The following FMN1 variants were observed in gnomAD, a reference collection of about 807,000 sequenced individuals.
FMN1 encodes the protein formin 1, also known as formin-1.
Under a neutral mutation model 132.4 loss-of-function variants are expected in FMN1, and 110 were observed. The ratio of observed to expected loss-of-function variants is 0.83; its 90% CI spans 0.71 to 0.97. The LOEUF (loss-of-function observed/expected upper bound fraction) is 0.97. FMN1 is among the 50% of genes least tolerant of loss of function. The probability of loss-of-function intolerance (pLI) is 0.00; values close to 1 mark genes in which losing one functional copy is unlikely to be tolerated. For synonymous variants in FMN1, 722 were observed against 651.7 expected, an observed-to-expected ratio of 1.11 and a Z score of -1.64; for missense variants, 1,792 against 1,705.3, an observed-to-expected ratio of 1.05 and a Z score of -0.90.
intron 17 of FMN1, among the ~76,000 whole-genome samples, chr15:32,846,948 T>C (rs2058870905): frequency 6.6e-6 from 1 of 152,158 alleles, no homozygotes; most frequent in South Asian, 2.1e-4. Context: ...AAAGGGTGAA[T>C]TCACAAGGGG....
At chr15:32,882,263 A>G (rs1014951622) in intron 16 of FMN1, among the ~76,000 whole-genome samples, 2 of 152,236 alleles carry the variant, frequency 1.3e-5, no homozygotes, top group Non-Finnish European at 2.9e-5. Context: ...GTAAAGGAAC[A>G]AAGTACGGCA....
intron 17 of FMN1, among the ~76,000 whole-genome samples, chr15:32,842,918 G>A (rs919201411): frequency 2.0e-5 from 3 of 151,950 alleles, no homozygotes; most frequent in African/African-American, 7.3e-5. Context: ...CTGAGGTCGG[G>A]AGATCGGGGC....
At chr15:32,940,391 TTGTGTGTGTGTGTGTG>T (rs67121672) in intron 9 of FMN1, among the ~76,000 whole-genome samples, 14,154 of 145,382 alleles carry the variant, frequency 0.097, 728 homozygotes, top group African/African-American at 0.14. Context: ...AAAATAAAAA[TTGTGTGTGTGTGTGTG>T]TGTGTGTGTG....
chr15:33,120,958 A>G (rs1183381145), intron 4 of FMN1, among the ~76,000 whole-genome samples: 1 of 152,184 alleles, frequency 6.6e-6, no homozygotes, highest in African/African-American at 2.4e-5. Flanking sequence ...GATGCAAAGT[A>G]AATTCACCTC....
rs766010924 is a variant in FMN1, at chr15:32,767,861, G to C, written c.*6449C>G. 1 of 152,142 alleles carries C rather than the reference G, an allele frequency of 6.6e-6. No individual in the cohort carries two copies. The highest frequency in any genetic ancestry group is 1.5e-5 in the Non-Finnish European group (1 of 68,030). 9.4% of individuals were successfully genotyped at this position (152,142 alleles called of 1,614,324 possible). A position where few individuals can be genotyped will look rare whatever the true frequency, so the allele number is the denominator to read the frequency against. ...GACTTTCCCTCTCACTCATGGATTT[G>C]TTTTCAATGGAAATGGAAGCCTTCC... is the stretch of plus-strand genomic sequence containing the variant. On this transcript the variant is annotated 3_prime_UTR_variant, in exon 21 of 21. Transcript: ENST00000616417.
At chr15:32,954,484 T>C (rs1277581162) in intron 9 of FMN1, among the ~76,000 whole-genome samples, 3 of 152,210 alleles carry the variant, frequency 2.0e-5, no homozygotes, top group African/African-American at 7.2e-5. Flanking sequence ...TAATTAAAGT[T>C]TATCTTTTGA....
chr15:32,976,270 G>C (rs2032194121), intron 7 of FMN1, among the ~76,000 whole-genome samples: 1 of 152,114 alleles, frequency 6.6e-6, no homozygotes, highest in South Asian at 2.1e-4. Context: ...CCTCTGAAAA[G>C]TGCAGCGTGA....
At chr15:32,879,329 T>G (rs75599930) in intron 16 of FMN1, among the ~76,000 whole-genome samples, 2,724 of 152,332 alleles carry the variant, frequency 0.018, 85 homozygotes, top group African/African-American at 0.062. Context: ...GTATCCAGTC[T>G]CGTACCAGAG....
intron 17 of FMN1, among the ~76,000 whole-genome samples, chr15:32,807,759 C>T (rs930866732): frequency 2.0e-5 from 3 of 152,130 alleles, no homozygotes; most frequent in Non-Finnish European, 4.4e-5. Flanking sequence ...TATTAAGAGC[C>T]AATGCACACT....
intron 7 of FMN1, among the ~76,000 whole-genome samples, chr15:32,989,012 A>G (rs752116411): frequency 6.6e-6 from 1 of 152,188 alleles, no homozygotes; most frequent in Non-Finnish European, 1.5e-5. Flanking sequence ...AGAAAGTCAT[A>G]AACTGTCAAA....
chr15:32,822,671 G>C (rs1263942374), intron 17 of FMN1, among the ~76,000 whole-genome samples: 3 of 152,130 alleles, frequency 2.0e-5, no homozygotes. Flanking sequence ...TTCAATAAGA[G>C]ATGCAATGTA....
intron 17 of FMN1, among the ~76,000 whole-genome samples, chr15:32,836,689 T>G (rs1035975963): frequency 6.7e-5 from 10 of 150,314 alleles, no homozygotes; most frequent in Non-Finnish European, 2.9e-5. Context: ...TCTCCCTCAG[T>G]CTCTCTCTTT....
chr15:32,826,878 CCTT>C (rs1229479742), intron 17 of FMN1, among the ~76,000 whole-genome samples: 1 of 152,060 alleles, frequency 6.6e-6, no homozygotes, highest in Non-Finnish European at 1.5e-5. Context: ...ATTCTTATCT[CCTT>C]CAACTACTTT....
chr15:32,988,120 T>C (rs143896620), intron 7 of FMN1, among the ~76,000 whole-genome samples: 45 of 150,178 alleles, frequency 3.0e-4, no homozygotes, highest in African/African-American at 1.0e-3. Context: ...AGTGATGCTG[T>C]TGGACTCCAA....
At chr15:33,030,425 C>A (rs2035882845) in intron 6 of FMN1, among the ~76,000 whole-genome samples, 1 of 152,192 alleles carries the variant, frequency 6.6e-6, no homozygotes, top group African/African-American at 2.4e-5. Flanking sequence ...AAAATCACGT[C>A]ACTCTGTGGA....
intron 6 of FMN1, among the ~76,000 whole-genome samples, chr15:33,057,928 T>C (rs2037294021): frequency 7.9e-6 from 1 of 126,938 alleles, no homozygotes; most frequent in African/African-American, 2.5e-5. Flanking sequence ...AGTTGATGGC[T>C]ATAAGCACAT....
At chr15:32,801,650 T>TAGC (rs1567189162) in intron 18 of FMN1, among the ~76,000 whole-genome samples, 3 of 151,900 alleles carry the variant, frequency 2.0e-5, no homozygotes, top group Admixed American at 1.3e-4. Flanking sequence ...AAAAAATTAT[T>TAGC]CAGGCGTGGT....
intron 4 of FMN1, among the ~76,000 whole-genome samples, chr15:33,128,470 A>T (rs1963337457): frequency 6.6e-6 from 1 of 152,330 alleles, no homozygotes; most frequent in Middle Eastern, 3.4e-3. Context: ...TGCAAGGTCC[A>T]TTTATAAAAA....
At chr15:32,979,849 T>C (rs991089855) in intron 7 of FMN1, among the ~76,000 whole-genome samples, 12 of 152,180 alleles carry the variant, frequency 7.9e-5, no homozygotes, top group Non-Finnish European at 1.6e-4. Flanking sequence ...AGCCCAACCA[T>C]GCATAAACCA....
Sources: gnomAD v4.1 joint callset for allele counts (sites outside exome capture counted in the v4.1 genomes callset) on GRCh38, gnomAD v4.1.1 for gene constraint, MANE v1.5 for transcripts, NCBI Gene and HGNC (gene_info 2026-07-23, HGNC 2026-07-21) for gene names.